Variants in POU3F3 observed in about 807,000 individuals in gnomAD.
POU3F3 encodes the protein POU domain, class 3, transcription factor 3.
POU3F3 carries 1 observed loss-of-function variant against 8.6 expected under a neutral mutation model. The observed-to-expected ratio is 0.12, with a 90% CI of 0.04 to 0.55. The LOEUF (loss-of-function observed/expected upper bound fraction) is 0.55, where lower values mean the gene tolerates loss of function less well. Ranked by LOEUF, POU3F3 falls within the 20% of genes least tolerant of loss-of-function variation. The probability of loss-of-function intolerance (pLI) is 0.91; values close to 1 mark genes in which losing one functional copy is unlikely to be tolerated. For missense variants in POU3F3, 577 were observed against 690.7 expected (o/e 0.84, Z 1.84); for synonymous variants, 418 against 327.4 (o/e 1.28, Z -2.99).
Position 104,854,857 on chromosome 2 carries a change from G to C in POU3F3, c.-654G>C, listed in dbSNP as rs1297210386. On this transcript the variant is annotated 5_prime_UTR_variant, in exon 1 of 1. Coordinates refer to ENST00000361360, the MANE Select transcript of POU3F3 (RefSeq NM_006236.3). This position sits in a 1 kb window ranked among gnomAD's most constrained non-coding sequence, Gnocchi z 4.5. Reference sequence around the variant, plus strand: ...TGTGTTCCTGAGGAGGAGAGGAGAGGAGAGGAGAGAGCGGACAAGAGAAGG... The same window carrying C: ...TGTGTTCCTGAGGAGGAGAGGAGAGCAGAGGAGAGAGCGGACAAGAGAAGG... Among the ~76,000 whole-genome samples, 1 of 152,228 alleles carries C rather than the reference G, an allele frequency of 6.6e-6. No individual in the cohort carries two copies. The highest frequency in any genetic ancestry group is 1.5e-5 in the Non-Finnish European group (1 of 68,038).
the POU3F3 span, among the ~76,000 whole-genome samples, chr2:104,879,642 G>A: frequency 2.6e-4 from 39 of 152,156 alleles, no homozygotes; most frequent in Non-Finnish European, 5.0e-4. Context: ...GCCCTGAGGG[G>A]CAGGGCACTG....
Position 104,855,291 on chromosome 2 carries a change from G to A in POU3F3, c.-220G>A, listed in dbSNP as rs1015978058. Among the ~76,000 whole-genome samples, 69 of 147,896 alleles carry A rather than the reference G, an allele frequency of 4.7e-4. No individual in the cohort carries two copies. Among genetic ancestry groups the A allele is most frequent in the Admixed American group, 2.4e-3 (36 of 14,894 alleles). On this transcript the variant is annotated 5_prime_UTR_variant, in exon 1 of 1. Transcript: ENST00000361360. ...AGCGGCCTTGCAGCTGCAGCCGGGGGCCGCGGCGGCGGCGGCGGCGGCGGG... is the reference window on the plus strand; with the variant it reads ...AGCGGCCTTGCAGCTGCAGCCGGGGACCGCGGCGGCGGCGGCGGCGGCGGG...
At chr2:104,919,149 G>A in the POU3F3 span, among the ~76,000 whole-genome samples, 1 of 152,178 alleles carries the variant, frequency 6.6e-6, no homozygotes, top group East Asian at 1.9e-4. Flanking sequence ...GGGATTACAG[G>A]CGTGAGCCAC....
chr2:104,868,177 C>T, the POU3F3 span: 3 of 450,918 alleles, frequency 6.7e-6, no homozygotes, highest in East Asian at 1.4e-4. Flanking sequence ...CTGAAGGCTC[C>T]GGCGCAGCTC....
chr2:104,860,898 T>G (rs1427555463), downstream of POU3F3, among the ~76,000 whole-genome samples: 1 of 151,928 alleles, frequency 6.6e-6, no homozygotes, highest in Non-Finnish European at 1.5e-5. Flanking sequence ...GCTCATAATC[T>G]GTTTTGTATG....
At chr2:104,859,004 C>T (rs1676625040), downstream of POU3F3, among the ~76,000 whole-genome samples, 1 of 151,730 alleles carries the variant, frequency 6.6e-6, no homozygotes, top group African/African-American at 2.4e-5. Flanking sequence ...CCAACATGTT[C>T]CTGTCTCTTT....
At chr2:104,902,130 G>A in the POU3F3 span, among the ~76,000 whole-genome samples, 10 of 151,602 alleles carry the variant, frequency 6.6e-5, no homozygotes, top group African/African-American at 9.7e-5. Context: ...TCCCTCTCTC[G>A]CCCCCTCTCT....
the POU3F3 span, among the ~76,000 whole-genome samples, chr2:104,906,369 A>C: frequency 3.9e-5 from 6 of 152,222 alleles, no homozygotes; most frequent in Non-Finnish European, 5.9e-5. Flanking sequence ...CATTGGATCT[A>C]TTAATCTGCT....
the POU3F3 span, chr2:104,866,627 G>A: frequency 1.3e-5 from 2 of 152,232 alleles, no homozygotes; most frequent in East Asian, 3.8e-4. Context: ...CCTCTGTGGG[G>A]AGAAGTGCAC....
rs1460909198 is a variant in POU3F3, at chr2:104,855,566, G to A, written c.56G>A (p.Gly19Asp). ...YLPGNSLLAAGSIVHSDAAGA... is the reference protein window; with the variant it reads ...YLPGNSLLAADSIVHSDAAGA... ...CCGGGGAACAGCCTGCTCGCGGCCG[G>A]CTCTATTGTGCACTCGGACGCGGCA... The change falls in exon 1 of 1, where the codon GGC becomes GAC. Residue 19 changes from glycine (G) to aspartate (D), a missense_variant. Transcript: ENST00000361360. 2 of 1,030,386 alleles carry A rather than the reference G, an allele frequency of 1.9e-6. No homozygotes were observed. The highest frequency in any genetic ancestry group is 5.2e-5 in the Admixed American group (1 of 19,188). The allele number at this position is 1,030,386 out of a possible 1,614,324, so 63.8% of individuals were successfully genotyped here.
the POU3F3 span, among the ~76,000 whole-genome samples, chr2:104,925,447 T>C: frequency 6.6e-6 from 1 of 152,142 alleles, no homozygotes; most frequent in Non-Finnish European, 1.5e-5. Flanking sequence ...TTCCTCTTAC[T>C]CTCTTGACTC....
the POU3F3 span, chr2:104,867,738 C>CT: frequency 6.2e-5 from 10 of 162,040 alleles, no homozygotes; most frequent in Admixed American, 5.8e-4. This position sits in a 1 kb window ranked among gnomAD's most constrained non-coding sequence, Gnocchi z 5.0. Flanking sequence ...GAGGCAGGCC[C>CT]TGAAGTCTCC....
chr2:104,922,368 TAAAACAATTTTCTTGAAGATGCTCAA>T, the POU3F3 span, among the ~76,000 whole-genome samples: 1 of 64,700 alleles, frequency 1.5e-5, no homozygotes, highest in African/African-American at 5.9e-5. Flanking sequence ...ACAAAGACTT[TAAAACAATTTTCTTGAAGATGCTCAA>T]AAAAAAAAAA....
At chr2:104,874,523 G>A in the POU3F3 span, among the ~76,000 whole-genome samples, 1 of 152,298 alleles carries the variant, frequency 6.6e-6, no homozygotes, top group South Asian at 2.1e-4. Context: ...GTGCCAGTAA[G>A]GCCCAAACCT....
At chr2:104,872,406 C>A in the POU3F3 span, 3 of 447,576 alleles carry the variant, frequency 6.7e-6, no homozygotes, top group South Asian at 4.7e-5. The surrounding 1 kb of genome is among the most constrained non-coding windows in gnomAD (Gnocchi z 4.6). Context: ...GGGGGAAGGG[C>A]TGCAGGGGCG....
downstream of POU3F3, among the ~76,000 whole-genome samples, chr2:104,861,110 TC>T (rs576487238): frequency 3.9e-5 from 6 of 152,190 alleles, no homozygotes; most frequent in Non-Finnish European, 8.8e-5. Context: ...TAATAAATGA[TC>T]AACCTCTTCA....
the POU3F3 span, among the ~76,000 whole-genome samples, chr2:104,872,784 G>C: frequency 6.6e-6 from 1 of 152,210 alleles, no homozygotes; most frequent in Admixed American, 6.5e-5. This position sits in a 1 kb window ranked among gnomAD's most constrained non-coding sequence, Gnocchi z 4.6. Context: ...AGGGCGAGGA[G>C]ACGCATCCCT....
the POU3F3 span, among the ~76,000 whole-genome samples, chr2:104,900,507 G>A: frequency 9.2e-5 from 14 of 152,194 alleles, no homozygotes; most frequent in Admixed American, 2.0e-4. Flanking sequence ...ATGAATGCGA[G>A]AAGGTGTGAG....
chr2:104,887,778 C>T, the POU3F3 span, among the ~76,000 whole-genome samples: 60 of 152,328 alleles, frequency 3.9e-4, no homozygotes, highest in African/African-American at 1.3e-3. Flanking sequence ...CCAGAGCCCA[C>T]GCCCAGCCAC....
Sources: gnomAD v4.1 joint callset for allele counts (sites outside exome capture counted in the v4.1 genomes callset) on GRCh38, gnomAD v4.1.1 for gene constraint, Gnocchi (gnomAD v3.1) non-coding constraint, MANE v1.5 for transcripts, NCBI Gene and HGNC (gene_info 2026-07-23, HGNC 2026-07-21) for gene names.